Variants in TSC2 observed in about 807,000 individuals in gnomAD.
TSC2 encodes the protein TSC complex subunit 2.
TSC2 carries 29 observed loss-of-function variants against 202.2 expected under a neutral mutation model. The ratio of observed to expected loss-of-function variants is 0.14; its 90% CI spans 0.11 to 0.20. The LOEUF (loss-of-function observed/expected upper bound fraction) is 0.20, where lower values mean the gene tolerates loss of function less well. Among genes scored for constraint, TSC2 ranks in the 10% least tolerant of loss-of-function variants. The pLI is 1.00. For synonymous variants in TSC2, 1,349 were observed against 1,044.0 expected, an observed-to-expected ratio of 1.29 and a Z score of -5.63; for missense variants, 2,429 against 2,420.0, an observed-to-expected ratio of 1.00 and a Z score of -0.08.
rs1400592971 is a variant in TSC2 at position 2,048,043 on chromosome 16, G to A, written c.-52G>A. 4 of 1,426,026 alleles carry A rather than the reference G, an allele frequency of 2.8e-6. No homozygotes were observed. The South Asian group carries it at 4.5e-5, about 16-fold the overall frequency. 88.3% of individuals were successfully genotyped at this position (1,426,026 alleles called of 1,614,324 possible). On this transcript the variant is annotated 5_prime_UTR_variant, in exon 1 of 42. Coordinates refer to ENST00000219476, the MANE Select transcript of TSC2 (RefSeq NM_000548.5). ...GCCTTTCTCCGCGTCGGGGCGGCCC[G>A]GAGCGCGGTGGCGCGGCGCGGGGTA...
chr16:2,061,524 G>A (rs2086634136), intron 11 of TSC2: 5 of 405,226 alleles, frequency 1.2e-5, no homozygotes, highest in South Asian at 6.4e-5. Context: ...CCTCCTGCCC[G>A]AGCTTCCTTC....
chr16:2,055,549 T>C, intron 6 of TSC2, 30 bp downstream of exon 6: 1 of 1,591,738 alleles, frequency 6.3e-7, no homozygotes, highest in Non-Finnish European at 8.6e-7. Flanking sequence ...CCTGTTCTGA[T>C]AATGGTCCTA....
At chr16:2,076,411 A>AG in intron 24 of TSC2, 80 bp from the exon 25 acceptor site, 1 of 1,596,216 alleles carries the variant, frequency 6.3e-7, no homozygotes, top group Non-Finnish European at 8.6e-7. Flanking sequence ...GTCCCTGGCC[A>AG]GGGGGCACCC....
rs189285826 is a variant in TSC2 at position 2,081,536 on chromosome 16, G to A, written c.3611-59G>A. On this transcript the variant is annotated intron_variant, in intron 30 of 41. Coordinates refer to ENST00000219476, the MANE Select transcript of TSC2 (RefSeq NM_000548.5). ...GCCCAGGCCAGGAGGCCCCTGGGGGGCCAGAGATGGGTAAGGGGAGGTACT... is the reference window on the plus strand; with the variant it reads ...GCCCAGGCCAGGAGGCCCCTGGGGGACCAGAGATGGGTAAGGGGAGGTACT... The A allele has an allele frequency of 5.3e-4, 854 of 1,609,594 alleles. 6 individuals carry two copies. The African/African-American group carries it at 0.01, about 19-fold the overall frequency.
rs2151435412 is a variant in TSC2 at position 2,079,202 on chromosome 16, G to A, written c.3131+6G>A. ...TTCACGGCTGTCCCGAAGAGGTCCAGGCGGCACTACAGGGCTGGGCGGGCC... is the reference window on the plus strand; with the variant it reads ...TTCACGGCTGTCCCGAAGAGGTCCAAGCGGCACTACAGGGCTGGGCGGGCC... On this transcript the variant is annotated splice_donor_region_variant and intron_variant, in intron 27 of 41. Coordinates refer to ENST00000219476, the MANE Select transcript of TSC2 (RefSeq NM_000548.5). This position sits in a 1 kb window ranked among gnomAD's most constrained non-coding sequence, Gnocchi z 4.6. The A allele has an allele frequency of 6.2e-7, 1 of 1,612,900 alleles. No homozygotes were observed. The highest frequency in any genetic ancestry group is 2.2e-5 in the East Asian group (1 of 44,874).
At chr16:2,060,915 C>T (rs2086562058) in intron 11 of TSC2, 102 bp downstream of exon 11, 1 of 1,395,274 alleles carries the variant, frequency 7.2e-7, no homozygotes, top group African/African-American at 1.4e-5. Context: ...GGGGGTCCCG[C>T]AGAGACTGCC....
rs966137806 is a variant in TSC2, at chr16:2,080,699, T to C, written c.3610+322T>C. 44 of 344,300 alleles carry C rather than the reference T, an allele frequency of 1.3e-4. 1 individual carries two copies. The highest frequency in any genetic ancestry group is 8.2e-4 in the South Asian group (30 of 36,392). 21.3% of individuals were successfully genotyped at this position (344,300 alleles called of 1,614,324 possible). On this transcript the variant is annotated intron_variant, in intron 30 of 41. Transcript: ENST00000219476. ...TGGGGTTTCACTGTGTTAGCCAGGA[T>C]GGTCTCAATCTCCTGACCTCGTGAT...
chr16:2,048,348 CG>C, intron 1 of TSC2: 1 of 886,650 alleles, frequency 1.1e-6, no homozygotes, highest in Admixed American at 2.1e-5. Context: ...CTGAGTCGGG[CG>C]GGGCGGGCGG....
intron 2 of TSC2, 117 bp from the exon 3 acceptor site, chr16:2,050,283 T>C (rs2084938911): frequency 1.0e-6 from 1 of 986,110 alleles, no homozygotes; most frequent in African/African-American, 1.6e-5. Context: ...CAGAAAGATC[T>C]GTTTTAAGTC....
At chr16:2,069,743 G>C (rs2087964901) in intron 16 of TSC2, among the ~76,000 whole-genome samples, 1 of 152,162 alleles carries the variant, frequency 6.6e-6, no homozygotes, top group Non-Finnish European at 1.5e-5. Flanking sequence ...GCTTCCCAAA[G>C]TGCTGGGATT....
intron 26 of TSC2, 59 bp from the exon 27 acceptor site, chr16:2,078,971 GAT>G: frequency 1.2e-6 from 2 of 1,606,428 alleles, no homozygotes; most frequent in Non-Finnish European, 1.7e-6. Flanking sequence ...GGCCCTTGGT[GAT>G]AGGTGGCTCG....
intron 9 of TSC2, among the ~76,000 whole-genome samples, chr16:2,058,143 C>T (rs2086128535): frequency 6.7e-6 from 1 of 149,702 alleles, no homozygotes; most frequent in Non-Finnish European, 1.5e-5. Context: ...ATCTCTCCCT[C>T]CCTCCTCCCG....
intron 11 of TSC2, 62 bp from the exon 12 acceptor site, chr16:2,061,809 T>A: frequency 6.2e-7 from 1 of 1,613,178 alleles, no homozygotes; most frequent in Non-Finnish European, 8.5e-7. Context: ...TAGCGAGGCC[T>A]CTGGTGCCAA....
At chr16:2,070,727 C>T in intron 17 of TSC2, 149 bp downstream of exon 17, 6 of 1,338,940 alleles carry the variant, frequency 4.5e-6, no homozygotes, top group Non-Finnish European at 6.1e-6. Flanking sequence ...TGGCCGCAGC[C>T]TCCCCAGTCC....
At chr16:2,072,714 G>A in intron 20 of TSC2, 135 bp from the exon 21 acceptor site, 1 of 1,436,694 alleles carries the variant, frequency 7.0e-7, no homozygotes, top group Non-Finnish European at 9.6e-7. Flanking sequence ...GCCCTTCCTG[G>A]GAGGGAGGCA....
At position 2,060,737 on chromosome 16, in the gene TSC2, A is replaced by T; in HGVS notation, c.1043A>T (p.Lys348Met). 6.2e-7 allele frequency: 1 copy of T among 1,614,044 alleles called. No individual in the cohort carries two copies. Among genetic ancestry groups the T allele is most frequent in the Non-Finnish European group, 8.5e-7 (1 of 1,179,976 alleles). The change falls in exon 11 of 42, where the codon AAG becomes ATG. Residue 348 changes from lysine (K) to methionine (M), a missense_variant. By Grantham distance (95) the Lys-to-Met change is moderately conservative. Coordinates refer to ENST00000219476, the MANE Select transcript of TSC2 (RefSeq NM_000548.5). The stretch of plus-strand genomic sequence containing the variant: ...CTGTCCATCACCAGGCTCATCAAGA[A>T]GTATAGGAAGGAGCTCCAGGTGGTG... The part of the protein sequence containing the change: ...IVLSITRLIK[K>M]YRKELQVVAW...
chr16:2,053,750 T>C lies in TSC2; in HGVS notation c.336+298T>C, dbSNP rs944789247. The C allele has an allele frequency of 6.9e-6, 4 of 578,368 alleles. No individual in the cohort carries two copies. The East Asian group carries it at 1.1e-4, about 16-fold the overall frequency. The allele number at this position is 578,368 out of a possible 1,614,324, so 35.8% of individuals were successfully genotyped here. On this transcript the variant is annotated intron_variant, in intron 4 of 41. Coordinates refer to ENST00000219476, the MANE Select transcript of TSC2 (RefSeq NM_000548.5). ...TGCTGAGATCGTACCTGGCAGCTGG[T>C]GTGGGGCTACGGTGTTGTTTTGCCC...
intron 20 of TSC2, 146 bp downstream of exon 20, chr16:2,072,509 T>G (rs1006549084): frequency 2.2e-6 from 3 of 1,344,498 alleles, no homozygotes; most frequent in Admixed American, 4.2e-5. Context: ...GCGCAGATTG[T>G]GCCTTGGGCA....
At chr16:2,082,865 G>A (rs2090309284) in intron 32 of TSC2, 1 of 420,252 alleles carries the variant, frequency 2.4e-6, no homozygotes, top group South Asian at 2.0e-5. Context: ...CACCGAGCGG[G>A]CCTTGCCCTG....
Sources: gnomAD v4.1 joint callset for allele counts (sites outside exome capture counted in the v4.1 genomes callset) on GRCh38, gnomAD v4.1.1 for gene constraint, Gnocchi (gnomAD v3.1) non-coding constraint, MANE v1.5 for transcripts, NCBI Gene and HGNC (gene_info 2026-07-23, HGNC 2026-07-21) for gene names.